The following CAPZA1 variants were observed in gnomAD, a reference collection of about 807,000 sequenced individuals.
CAPZA1 encodes the protein capping actin protein of muscle Z-line subunit alpha 1, also known as F-actin-capping protein subunit alpha-1.
A neutral mutation model predicts 40.8 loss-of-function variants in CAPZA1; 10 were observed. The observed-to-expected ratio is 0.25, with a 90% CI of 0.15 to 0.42. The LOEUF (loss-of-function observed/expected upper bound fraction) is 0.42, where lower values mean the gene tolerates loss of function less well. CAPZA1 is among the 10% of genes least tolerant of loss of function. CAPZA1 has a pLI of 1.00. For missense variants in CAPZA1, 277 were observed against 353.8 expected (o/e 0.78, Z 1.74); for synonymous variants, 98 against 115.0 (o/e 0.85, Z 0.95).
Position 112,670,593 on chromosome 1 carries a change from C to T in CAPZA1, c.*461C>T, listed in dbSNP as rs1472037315. On this transcript the variant is annotated 3_prime_UTR_variant, in exon 10 of 10. Transcript: ENST00000263168. ...ACCTAAAGAGGCTATGCTACAGTCTCTAGCTAAATGGAAGACACATTCATC... is the reference window on the plus strand; with the variant it reads ...ACCTAAAGAGGCTATGCTACAGTCTTTAGCTAAATGGAAGACACATTCATC... 4 of 153,280 alleles carry T rather than the reference C, an allele frequency of 2.6e-5. No homozygotes were observed. The highest frequency in any genetic ancestry group is 9.6e-5 in the African/African-American group (4 of 41,470). 9.5% of individuals were successfully genotyped at this position (153,280 alleles called of 1,614,324 possible).
intron 7 of CAPZA1, among the ~76,000 whole-genome samples, chr1:112,663,170 T>C (rs1186935445): frequency 6.6e-6 from 1 of 152,104 alleles, no homozygotes; most frequent in Non-Finnish European, 1.5e-5. Flanking sequence ...TTCACTGTGT[T>C]AGCCAGGATG....
At chr1:112,661,828 C>T (rs1211427630) in intron 7 of CAPZA1, among the ~76,000 whole-genome samples, 2 of 152,156 alleles carry the variant, frequency 1.3e-5, no homozygotes, top group African/African-American at 4.8e-5. Flanking sequence ...AGTGTACAGA[C>T]CCACATTTAA....
At chr1:112,669,092 GGC>G (rs1671779668) in intron 8 of CAPZA1, among the ~76,000 whole-genome samples, 1 of 152,120 alleles carries the variant, frequency 6.6e-6, no homozygotes, top group Admixed American at 6.5e-5. Flanking sequence ...CATCATAAGT[GGC>G]AAATAAAGGC....
At chr1:112,653,555 C>CTT in intron 3 of CAPZA1, 43 bp from the exon 4 acceptor site, 1 of 1,052,992 alleles carries the variant, frequency 9.5e-7, no homozygotes, top group Non-Finnish European at 1.4e-6. Context: ...TTCTCTCTCC[C>CTT]TCTTTTTTTT....
At chr1:112,654,753 T>A (rs571438383) in intron 5 of CAPZA1, 82 bp downstream of exon 5, 8 of 864,504 alleles carry the variant, frequency 9.3e-6, no homozygotes, top group East Asian at 5.0e-5. Context: ...CTACCAAACA[T>A]CCCTACTTTC....
At chr1:112,654,402 C>A in intron 4 of CAPZA1, 63 bp from the exon 5 acceptor site, 1 of 1,038,930 alleles carries the variant, frequency 9.6e-7, no homozygotes, top group South Asian at 1.7e-5. Flanking sequence ...TGATGTGTTT[C>A]ATAAAAGGCA....
chr1:112,663,680 T>C (rs1671663955), intron 7 of CAPZA1, among the ~76,000 whole-genome samples: 1 of 151,928 alleles, frequency 6.6e-6, no homozygotes, highest in Non-Finnish European at 1.5e-5. Flanking sequence ...TTTTTTTGTA[T>C]TTTTAGTAGA....
At chr1:112,638,144 G>A (rs1184270724) in intron 1 of CAPZA1, among the ~76,000 whole-genome samples, 1 of 152,102 alleles carries the variant, frequency 6.6e-6, no homozygotes, top group African/African-American at 2.4e-5. Context: ...AGTTTATTTG[G>A]CAGGTAACAT....
At chr1:112,662,169 G>C (rs146292874) in intron 7 of CAPZA1, among the ~76,000 whole-genome samples, 1 of 152,064 alleles carries the variant, frequency 6.6e-6, no homozygotes, top group East Asian at 1.9e-4. Context: ...GAGTGCAGTG[G>C]TGCTTTCATA....
At chr1:112,632,265 G>A (rs567180041) in intron 1 of CAPZA1, among the ~76,000 whole-genome samples, 4 of 152,214 alleles carry the variant, frequency 2.6e-5, no homozygotes, top group South Asian at 4.2e-4. Flanking sequence ...CCAACATCAC[G>A]CCACTGCACT....
At chr1:112,657,256 G>C (rs1301768243) in intron 5 of CAPZA1, among the ~76,000 whole-genome samples, 1 of 152,008 alleles carries the variant, frequency 6.6e-6, no homozygotes. Context: ...GAGCCACCAG[G>C]CCCGGCCTAT....
chr1:112,654,409 G>A (rs1286919613), intron 4 of CAPZA1, 56 bp from the exon 5 acceptor site: 4 of 1,101,760 alleles, frequency 3.6e-6, no homozygotes, highest in Non-Finnish European at 5.3e-6. Context: ...TTTCATAAAA[G>A]GCAGTAAGAA....
At chr1:112,635,553 CTT>C (rs5777132) in intron 1 of CAPZA1, among the ~76,000 whole-genome samples, 39 of 139,512 alleles carry the variant, frequency 2.8e-4, no homozygotes, top group Non-Finnish European at 5.1e-4. Flanking sequence ...TTGTCAAGGA[CTT>C]TTTTTTTTTT....
chr1:112,671,154 C>T lies in CAPZA1; in HGVS notation c.*1022C>T, dbSNP rs1454694024. On this transcript the variant is annotated 3_prime_UTR_variant, in exon 10 of 10. Coordinates refer to ENST00000263168, the MANE Select transcript of CAPZA1 (RefSeq NM_006135.3). ...GATTTCTTCTAAATAGGATGTAAAA[C>T]TTCTTTCAAATTACTCTTCCTCAGT... 1.3e-5 allele frequency: 2 copies of T among 152,328 alleles called. No individual in the cohort carries two copies. The highest frequency in any genetic ancestry group is 6.5e-5 in the Admixed American group (1 of 15,270). 9.4% of individuals were successfully genotyped at this position (152,328 alleles called of 1,614,324 possible). A position where few individuals can be genotyped will look rare whatever the true frequency, so the allele number is the denominator to read the frequency against.
intron 1 of CAPZA1, among the ~76,000 whole-genome samples, chr1:112,636,681 C>G (rs556381022): frequency 1.3e-5 from 2 of 151,956 alleles, no homozygotes; most frequent in Admixed American, 6.6e-5. Flanking sequence ...ATTAGTGATT[C>G]TCAAGTTAGA....
chr1:112,654,713 A>G (rs746466796), intron 5 of CAPZA1, 42 bp downstream of exon 5: 11 of 1,361,870 alleles, frequency 8.1e-6, no homozygotes, highest in East Asian at 2.3e-5. Flanking sequence ...GTGTTTTCTT[A>G]TATTTACCTT....
chr1:112,623,657 G>A (rs1670729827), intron 1 of CAPZA1, among the ~76,000 whole-genome samples: 1 of 150,658 alleles, frequency 6.6e-6, no homozygotes. Flanking sequence ...CTCCAGCCTG[G>A]GCAACAGGAG....
chr1:112,648,465 C>T (rs1269567339), intron 2 of CAPZA1, among the ~76,000 whole-genome samples: 1 of 149,724 alleles, frequency 6.7e-6, no homozygotes, highest in Non-Finnish European at 1.5e-5. Flanking sequence ...TACAGGTGCT[C>T]ACCACCACAC....
chr1:112,632,162 G>A (rs1670930959), intron 1 of CAPZA1, among the ~76,000 whole-genome samples: 1 of 152,098 alleles, frequency 6.6e-6, no homozygotes, highest in Non-Finnish European at 1.5e-5. Context: ...AAAATTAGCA[G>A]AGCCTGGTGG....
Sources: allele counts gnomAD v4.1 joint callset (sites outside exome capture counted in the v4.1 genomes callset), GRCh38; gene constraint gnomAD v4.1.1; transcripts MANE v1.5; gene names NCBI Gene and HGNC (gene_info 2026-07-23, HGNC 2026-07-21).